Variants in TNS1 observed in about 807,000 individuals in gnomAD.
The protein encoded by TNS1 is tensin 1, also known as tensin-1.
A neutral mutation model predicts 168.6 loss-of-function variants in TNS1; 62 were observed. The observed-to-expected ratio is 0.37, with a 90% CI of 0.30 to 0.45. TNS1 has a LOEUF of 0.45. Among genes scored for constraint, TNS1 ranks in the 20% least tolerant of loss-of-function variants. The pLI is 1.00. For missense variants in TNS1, 2,240 were observed against 2,339.4 expected, an observed-to-expected ratio of 0.96 and a Z score of 0.88; for synonymous variants, 934 against 933.2, an observed-to-expected ratio of 1.00 and a Z score of -0.02.
rs770522095 is a variant in TNS1, at chr2:217,848,776, C to T, written c.1741G>A (p.Ala581Thr). The change falls in exon 19 of 33, where the codon GCC becomes ACC. Residue 581 changes from alanine to threonine, a missense_variant. This residue lies in a region of TNS1 where 2,131 missense variants were observed against 2,171.2 expected (regional missense o/e 0.98). Coordinates refer to ENST00000682258, the MANE Select transcript of TNS1 (RefSeq NM_001387777.1). ...GFGLEREKQG[A>T]MYHTQHLRSR... The stretch of plus-strand genomic sequence containing the variant: ...CTGAGGTGCTGGGTGTGGTACATGG[C>T]GCCTTGCTTCTCTCGCTCTAAGCCA... 1.8e-5 allele frequency: 29 copies of T among 1,614,026 alleles called. No homozygotes were observed. The highest frequency in any genetic ancestry group is 8.8e-5 in the South Asian group (8 of 91,092).
chr2:217,939,918 G>C (rs1351701626), intron 3 of TNS1, among the ~76,000 whole-genome samples: 1 of 152,244 alleles, frequency 6.6e-6, no homozygotes, highest in Non-Finnish European at 1.5e-5. Context: ...CTGGGTAGAG[G>C]CTGCACTGGG....
At chr2:218,013,928 A>T (rs1022793765), upstream of TNS1, among the ~76,000 whole-genome samples, 3 of 152,172 alleles carry the variant, frequency 2.0e-5, no homozygotes, top group African/African-American at 7.2e-5. Flanking sequence ...CTTCTCCCCA[A>T]GTTTGCCCTG....
At position 217,848,501 on chromosome 2, in the gene TNS1, G is replaced by C; in HGVS notation, c.2016C>G (p.Ser672=). 1 of 1,613,418 alleles carries C rather than the reference G, an allele frequency of 6.2e-7. No individual in the cohort carries two copies. The highest frequency in any genetic ancestry group is 1.1e-5 in the South Asian group (1 of 91,012). Residue 672 remains serine, a synonymous_variant, in exon 19 of 33, where the codon TCC becomes TCG. Coordinates refer to ENST00000682258, the MANE Select transcript of TNS1 (RefSeq NM_001387777.1). ...LSPLTNGLDK[S]YPMEPMVNGG... ...CATTGACCATAGGCTCCATGGGGTA[G>C]GACTTGTCCAGACCGTTGGTCAGTG...
At chr2:217,908,717 C>G (rs1229078689) in intron 4 of TNS1, among the ~76,000 whole-genome samples, 1 of 152,134 alleles carries the variant, frequency 6.6e-6, no homozygotes, top group Non-Finnish European at 1.5e-5. Flanking sequence ...GCGGCTGAGG[C>G]CAAAACTACT....
At chr2:217,869,963 C>T (rs754294292) in intron 18 of TNS1, among the ~76,000 whole-genome samples, 7 of 152,182 alleles carry the variant, frequency 4.6e-5, no homozygotes, top group Non-Finnish European at 8.8e-5. Flanking sequence ...TCCAACATCC[C>T]GCTAAGGTCC....
intron 3 of TNS1, among the ~76,000 whole-genome samples, chr2:217,971,089 A>G (rs978778306): frequency 1.3e-5 from 2 of 152,248 alleles, no homozygotes; most frequent in African/African-American, 4.8e-5. Flanking sequence ...AATTTTATTA[A>G]GATATAATTT....
upstream of TNS1, among the ~76,000 whole-genome samples, chr2:218,003,792 CT>C (rs1958617027): frequency 2.0e-5 from 3 of 150,706 alleles, no homozygotes. Flanking sequence ...CCCTCCTCCC[CT>C]CTCCCCCTCC....
intron 18 of TNS1, among the ~76,000 whole-genome samples, chr2:217,852,717 A>G (rs73992646): frequency 0.038 from 5,855 of 152,308 alleles, 367 homozygotes; most frequent in African/African-American, 0.13. Flanking sequence ...TTGTTCTGTC[A>G]TGTAATCTAT....
At chr2:217,967,387 G>T (rs1326966042) in intron 3 of TNS1, among the ~76,000 whole-genome samples, 1 of 151,730 alleles carries the variant, frequency 6.6e-6, no homozygotes, top group Admixed American at 6.6e-5. Context: ...GTAAGGAAAA[G>T]GTAAATTCTT....
Position 217,813,003 on chromosome 2 carries a change from C to G in TNS1, c.4954+212G>C, listed in dbSNP as rs1209357217. Among the ~76,000 whole-genome samples the G allele has an allele frequency of 6.6e-6, 1 of 152,250 alleles. No individual in the cohort carries two copies. The highest frequency in any genetic ancestry group is 1.5e-5 in the Non-Finnish European group (1 of 68,044). On this transcript the variant is annotated intron_variant, in intron 27 of 32. Coordinates refer to ENST00000682258, the MANE Select transcript of TNS1 (RefSeq NM_001387777.1). This position sits in a 1 kb window ranked among gnomAD's most constrained non-coding sequence, Gnocchi z 4.0. The stretch of plus-strand genomic sequence containing the variant: ...CAGTTATAATGATAACAAGTCCCAG[C>G]TGGGTCGGACAAACACAGACTGCAG...
At chr2:217,899,639 A>G (rs1303378194) in intron 7 of TNS1, among the ~76,000 whole-genome samples, 2 of 152,224 alleles carry the variant, frequency 1.3e-5, no homozygotes, top group Non-Finnish European at 1.5e-5. Flanking sequence ...GGTGAGGGCC[A>G]TGAGTCAGAC....
At chr2:217,961,123 C>T (rs1234132156) in intron 3 of TNS1, among the ~76,000 whole-genome samples, 1 of 152,016 alleles carries the variant, frequency 6.6e-6, no homozygotes, top group Non-Finnish European at 1.5e-5. Context: ...CCCCCAGCAG[C>T]CTATAGAACT....
At chr2:218,031,197 T>G (rs1958893577) in intron 1 of TNS1, among the ~76,000 whole-genome samples, 1 of 147,748 alleles carries the variant, frequency 6.8e-6, no homozygotes, top group Non-Finnish European at 1.5e-5. Flanking sequence ...TGTGTCTGTA[T>G]GTGTGTGAGT....
At chr2:217,940,611 A>G (rs560376582) in intron 3 of TNS1, among the ~76,000 whole-genome samples, 7 of 152,316 alleles carry the variant, frequency 4.6e-5, no homozygotes, top group Admixed American at 4.6e-4. Flanking sequence ...GGAGTTAGAC[A>G]TCGGAAAGGA....
At chr2:217,862,289 A>T (rs1047644596) in intron 18 of TNS1, among the ~76,000 whole-genome samples, 3 of 152,014 alleles carry the variant, frequency 2.0e-5, no homozygotes, top group African/African-American at 7.3e-5. Context: ...AAAAAAGACA[A>T]TTTTTTTTCT....
At chr2:217,959,806 C>T (rs11682925) in intron 3 of TNS1, among the ~76,000 whole-genome samples, 19,355 of 150,434 alleles carry the variant, frequency 0.13, 1,543 homozygotes, top group East Asian at 0.26. Flanking sequence ...GGCAGCTGGA[C>T]GCCTCTGTGG....
At chr2:217,934,714 T>A (rs1956510781) in intron 3 of TNS1, among the ~76,000 whole-genome samples, 1 of 152,180 alleles carries the variant, frequency 6.6e-6, no homozygotes. Flanking sequence ...GAAATCAAGC[T>A]GCCTGGAGGA....
upstream of TNS1, among the ~76,000 whole-genome samples, chr2:218,007,328 T>G (rs1958667175): frequency 6.6e-6 from 1 of 152,088 alleles, no homozygotes; most frequent in Non-Finnish European, 1.5e-5. Flanking sequence ...CTACTAACCC[T>G]CATTTTGTAA....
chr2:217,974,335 T>A (rs1276752251), intron 3 of TNS1, among the ~76,000 whole-genome samples: 1 of 152,076 alleles, frequency 6.6e-6, no homozygotes, highest in Non-Finnish European at 1.5e-5. Context: ...GATAGGAAGG[T>A]TTTTGGGAGG....
Sources: gnomAD v4.1 joint callset for allele counts (sites outside exome capture counted in the v4.1 genomes callset) on GRCh38, gnomAD v4.1.1 for gene constraint, gnomAD v4.1.1 regional missense constraint, Gnocchi (gnomAD v3.1) non-coding constraint, MANE v1.5 for transcripts, NCBI Gene and HGNC (gene_info 2026-07-23, HGNC 2026-07-21) for gene names.